Variants in DCTN1 observed in about 807,000 individuals in gnomAD.
The protein encoded by DCTN1 is dynactin subunit 1, also known as 150 kDa dynein-associated polypeptide.
Under a neutral mutation model 161.2 loss-of-function variants are expected in DCTN1, and 61 were observed. That is an observed-to-expected ratio of 0.38 (90% confidence interval 0.31 to 0.47). DCTN1 has a LOEUF of 0.47. Among genes scored for constraint, DCTN1 ranks in the 20% least tolerant of loss-of-function variants. The pLI is 0.99. For missense variants in DCTN1, 1,404 were observed against 1,623.7 expected, an observed-to-expected ratio of 0.86 and a Z score of 2.33; for synonymous variants, 653 against 632.4, an observed-to-expected ratio of 1.03 and a Z score of -0.49.
Position 74,372,201 on chromosome 2 carries a change from G to A in DCTN1, c.454-473C>T, listed in dbSNP as rs138343973. 2.6e-5 allele frequency among the ~76,000 whole-genome samples: 4 copies of A among 152,306 alleles called. No homozygotes were observed. In the East Asian group the frequency reaches 7.7e-4, roughly 29 times the overall value. ...AAAGTACAATCTAATTTCCACAGAA[G>A]GTTGGGCCAAAAGTGGGGGTGCCAG... On this transcript the variant is annotated intron_variant, in intron 7 of 31. Coordinates refer to ENST00000628224, the MANE Select transcript of DCTN1 (RefSeq NM_004082.5).
In DCTN1 at chr2:74,377,908, C is replaced by T; in HGVS notation, c.279+92G>A. On this transcript the variant is annotated intron_variant, in intron 2 of 31. Transcript: ENST00000628224. ...CACTCTCCCAACCAGAGGCTTATGC[C>T]CATGCTCAGGAAAACGAAGTACCAA... 2 of 1,572,450 alleles carry T rather than the reference C, an allele frequency of 1.3e-6. 1 individual carries two copies. The highest frequency in any genetic ancestry group is 2.3e-5 in the South Asian group (2 of 88,502).
chr2:74,379,637 A>G (rs1675416920), intron 1 of DCTN1, among the ~76,000 whole-genome samples: 3 of 152,182 alleles, frequency 2.0e-5, no homozygotes, highest in Admixed American at 2.0e-4. Context: ...CTATCTCAGA[A>G]GAGAAAGAAA....
Position 74,366,876 on chromosome 2 carries a change from G to A in DCTN1, c.2373C>T (p.Cys791=), listed in dbSNP as rs759688608. The change falls in exon 21 of 32, where the codon TGC becomes TGT. Residue 791 remains cysteine (C), a synonymous_variant. Transcript: ENST00000628224. ...ALLLRDLETS[C]SDIRQFCKKI... is the part of the protein sequence containing the mutation. ...TCTTGCAGAACTGGCGGATGTCACT[G>A]CATGAAGTTTCCAGATCCCGGAGCA... The A allele has an allele frequency of 6.8e-6, 11 of 1,614,108 alleles. No individual in the cohort carries two copies. In the East Asian group the frequency reaches 1.8e-4, roughly 26 times the overall value.
Position 74,369,836 on chromosome 2 carries a change from A to AAAAT in DCTN1, c.1392+128_1392+129insATTT. 1.2e-6 allele frequency: 1 copy of AAAAT among 817,354 alleles called. No individual in the cohort carries two copies. The highest frequency in any genetic ancestry group is 2.0e-6 in the Non-Finnish European group (1 of 509,020). 50.6% of individuals were successfully genotyped at this position (817,354 alleles called of 1,614,324 possible). ...TCTCAGAAAAAAAAAAAAAAAAAAA[A>AAAAT]GGCAGGGTCAGGGTAGCAAGCCCAG... On this transcript the variant is annotated intron_variant, in intron 13 of 31. Transcript: ENST00000628224. This position sits in a 1 kb window ranked among gnomAD's most constrained non-coding sequence, Gnocchi z 4.9.
chr2:74,374,941 T>C (rs1246675602), intron 5 of DCTN1, among the ~76,000 whole-genome samples: 3 of 152,142 alleles, frequency 2.0e-5, no homozygotes, highest in Non-Finnish European at 4.4e-5. Context: ...AGGGCATCAC[T>C]GGGGAGGGAC....
Position 74,369,460 on chromosome 2 carries a change from T to C in DCTN1, c.1424A>G (p.Gln475Arg). ...CAGTTCTGTCTCACGTGCATTCTCC[T>C]GCAGCTCATCGTTCATCTCATTCAT... The part of the protein sequence containing the change: ...EAMNEMNDEL[Q>R]ENARETELEL... Residue 475 changes from glutamine (Q) to arginine (R), a missense_variant, in exon 14 of 32, where the codon CAG (glutamine) becomes CGG (arginine). By Grantham distance (43) the Gln-to-Arg change is conservative. Coordinates refer to ENST00000628224, the MANE Select transcript of DCTN1 (RefSeq NM_004082.5). This position sits in a 1 kb window ranked among gnomAD's most constrained non-coding sequence, Gnocchi z 4.9. The C allele has an allele frequency of 3.1e-6, 5 of 1,614,044 alleles. No homozygotes were observed. Among genetic ancestry groups the C allele is most frequent in the Non-Finnish European group, 4.2e-6 (5 of 1,180,038 alleles).
At chr2:74,373,110 G>C in intron 6 of DCTN1, 162 bp from the exon 7 acceptor site, 1 of 710,002 alleles carries the variant, frequency 1.4e-6, no homozygotes, top group Admixed American at 2.0e-5. Flanking sequence ...TCCCTTCAGT[G>C]AATCACTGTA....
chr2:74,364,970 G>T, intron 26 of DCTN1, 105 bp downstream of exon 26: 1 of 1,421,224 alleles, frequency 7.0e-7, no homozygotes, highest in Non-Finnish European at 9.9e-7. Context: ...GTTCCTGGCT[G>T]AATACCCGGG....
rs1388037439 is a variant in DCTN1, at chr2:74,366,238, A to C, written c.2760+6T>G. On this transcript the variant is annotated splice_donor_region_variant and intron_variant, in intron 23 of 31. Transcript: ENST00000628224. ...CTGCAACTTCTCCAAGGAAATCTCC[A>C]CCTACCTTGCTGGGGGGCCGCTCTG... 6.2e-7 allele frequency: 1 copy of C among 1,613,882 alleles called. No individual in the cohort carries two copies. The highest frequency in any genetic ancestry group is 8.5e-7 in the Non-Finnish European group (1 of 1,179,952).
Position 74,380,151 on chromosome 2 carries a change from G to A in DCTN1, c.-114C>T, listed in dbSNP as rs562870117. 2.7e-5 allele frequency: 31 copies of A among 1,143,574 alleles called. No individual in the cohort carries two copies. The highest frequency in any genetic ancestry group is 5.0e-5 in the South Asian group (4 of 79,884). The allele number at this position is 1,143,574 out of a possible 1,614,324, so 70.8% of individuals were successfully genotyped here. On this transcript the variant is annotated 5_prime_UTR_variant, in exon 1 of 32. It adds an upstream start codon to the 5' untranslated region. Coordinates refer to ENST00000628224, the MANE Select transcript of DCTN1 (RefSeq NM_004082.5). ...GCCCTCATAGAGGGACACAGGAGTC[G>A]TCAGGCACAGCCCTCCCCAGTCCAT...
In DCTN1 at chr2:74,365,896, A is replaced by C. The variant is rs754893423; in HGVS notation, c.2883T>G (p.Ile961Met). The C allele has an allele frequency of 1.1e-5, 17 of 1,613,968 alleles. No individual in the cohort carries two copies. The Admixed American group carries it at 2.8e-4, about 27-fold the overall frequency. Reference sequence around the variant, plus strand: ...CCTGAGCCTACACTACCCTCACCTTAATCTTGAGTGACTTCTTCAACTCCT... The same window carrying C: ...CCTGAGCCTACACTACCCTCACCTTCATCTTGAGTGACTTCTTCAACTCCT... ...VIKELKKSLK[I>M]KGEELSEANV... Residue 961 changes from isoleucine (I) to methionine (M), a missense_variant, in exon 24 of 32, where the codon ATT (isoleucine) becomes ATG (methionine). Physicochemically the swap from Ile to Met is conservative, Grantham distance 10 (BLOSUM62 1). Coordinates refer to ENST00000628224, the MANE Select transcript of DCTN1 (RefSeq NM_004082.5).
chr2:74,367,206 A>G lies in DCTN1; in HGVS notation c.2254-99T>C, dbSNP rs970435688. On this transcript the variant is annotated intron_variant, in intron 19 of 31. Transcript: ENST00000628224. The stretch of plus-strand genomic sequence containing the variant: ...CCCCATCCTCTGCTGACCCCCATAC[A>G]TAAGTAGGTCCTCTAGTTTCCCTGA... 25 of 1,540,976 alleles carry G rather than the reference A, an allele frequency of 1.6e-5. 1 individual carries two copies. Among genetic ancestry groups the G allele is most frequent in the South Asian group, 4.5e-5 (4 of 88,178 alleles).
In DCTN1 at chr2:74,365,861, GC is replaced by G. The variant is rs748058825; in HGVS notation, c.2886+31del. ...TTTCCTGAGTCCTACCAATTTCCTG[GC>G]CCCCAGATCCTGAGCCTACACTACC... On this transcript the variant is annotated intron_variant, in intron 24 of 31. Coordinates refer to ENST00000628224, the MANE Select transcript of DCTN1 (RefSeq NM_004082.5). 7.4e-6 allele frequency: 12 copies of G among 1,613,792 alleles called. 1 individual carries two copies. The highest frequency in any genetic ancestry group is 1.0e-5 in the Non-Finnish European group (12 of 1,179,984).
At position 74,365,940 on chromosome 2, in the gene DCTN1, C is replaced by G; in HGVS notation, c.2839G>C (p.Asp947His). The G allele has an allele frequency of 6.2e-7, 1 of 1,614,256 alleles. No homozygotes were observed. Among genetic ancestry groups the G allele is most frequent in the Non-Finnish European group, 8.5e-7 (1 of 1,180,052 alleles). Residue 947 changes from aspartate (D) to histidine (H), a missense_variant, in exon 24 of 32, where the codon GAT (aspartate) becomes CAT (histidine). Physicochemically the swap from Asp to His is moderately conservative, Grantham distance 81. This residue lies in a region of DCTN1 where 475 missense variants were observed against 489.8 expected (regional missense o/e 0.97). Coordinates refer to ENST00000628224, the MANE Select transcript of DCTN1 (RefSeq NM_004082.5). ...AACTCCTTAATAACTGTCTCTCGATCTTCGAGCTTCAAACCCAGGCCTTCA... is the reference window on the plus strand; with the variant it reads ...AACTCCTTAATAACTGTCTCTCGATGTTCGAGCTTCAAACCCAGGCCTTCA... ...DAEGLGLKLE[D>H]RETVIKELKK... is the part of the protein sequence containing the mutation.
At chr2:74,368,353 T>C (rs1573157007) in intron 16 of DCTN1, 1 of 647,772 alleles carries the variant, frequency 1.5e-6, no homozygotes, top group Non-Finnish European at 2.6e-6. Context: ...GAAAGGGTAG[T>C]GGGACCGGTG....
chr2:74,363,460 A>G (rs1256111127), intron 27 of DCTN1, 33 bp from the exon 28 acceptor site: 1 of 1,610,458 alleles, frequency 6.2e-7, no homozygotes. Context: ...CATCAGCCCC[A>G]AGTGGAAAGG....
chr2:74,391,535 G>C lies in DCTN1; in HGVS notation c.-19+259C>G, dbSNP rs551435481. On this transcript the variant is annotated intron_variant, in intron 1 of 27. Transcript: ENST00000409240. ...CCTCAGACGCTCGCAGGAACGGAGGGGAGACCCTTGCAGTTCTGGAGGAAC... is the reference window on the plus strand; with the variant it reads ...CCTCAGACGCTCGCAGGAACGGAGGCGAGACCCTTGCAGTTCTGGAGGAAC... 3 of 317,762 alleles carry C rather than the reference G, an allele frequency of 9.4e-6. No individual in the cohort carries two copies. In the Admixed American group the frequency reaches 1.3e-4, roughly 14 times the overall value. 19.7% of individuals were successfully genotyped at this position (317,762 alleles called of 1,614,324 possible). A position where few individuals can be genotyped will look rare whatever the true frequency, so the allele number is the denominator to read the frequency against.
At chr2:74,368,173 G>A in intron 16 of DCTN1, 42 bp from the exon 17 acceptor site, 1 of 1,556,318 alleles carries the variant, frequency 6.4e-7, no homozygotes, top group South Asian at 1.2e-5. Flanking sequence ...CAGAGCAGAG[G>A]ATGGAGAACA....
intron 1 of DCTN1, chr2:74,378,824 C>A (rs1198998866): frequency 6.3e-6 from 1 of 159,644 alleles, no homozygotes; most frequent in Non-Finnish European, 1.4e-5. Flanking sequence ...GATCTGACTC[C>A]TCCCACCCCC....
Sources: allele counts gnomAD v4.1 joint callset (sites outside exome capture counted in the v4.1 genomes callset), GRCh38; gene constraint gnomAD v4.1.1; regional missense constraint gnomAD v4.1.1; non-coding constraint Gnocchi (gnomAD v3.1); transcripts MANE v1.5; gene names NCBI Gene and HGNC (gene_info 2026-07-23, HGNC 2026-07-21).